Variants in CWC25 observed in about 807,000 individuals in gnomAD.
The protein encoded by CWC25 is CWC25 spliceosome associated protein, also known as pre-mRNA-splicing factor CWC25 homolog.
A neutral mutation model predicts 54.6 loss-of-function variants in CWC25; 31 were observed. The ratio of observed to expected loss-of-function variants is 0.57; its 90% CI spans 0.43 to 0.77. The LOEUF (loss-of-function observed/expected upper bound fraction) is 0.77. Among genes scored for constraint, CWC25 ranks in the 30% least tolerant of loss-of-function variants. The pLI is 0.00. For synonymous variants in CWC25, 151 were observed against 187.0 expected (o/e 0.81, Z 1.57); for missense variants, 453 against 529.3 (o/e 0.86, Z 1.41).
intron 4 of CWC25, among the ~76,000 whole-genome samples, chr17:38,812,272 C>T (rs1257118828): frequency 6.6e-6 from 1 of 152,106 alleles, no homozygotes; most frequent in Non-Finnish European, 1.5e-5. Context: ...GGGCATACTC[C>T]AACCTCCTGA....
intron 5 of CWC25, 63 bp from the exon 6 acceptor site, chr17:38,809,828 T>C: frequency 6.9e-7 from 1 of 1,456,560 alleles, no homozygotes. Flanking sequence ...AATTTAAATA[T>C]CTTATGCTGA....
At chr17:38,810,297 C>G in intron 5 of CWC25, 171 bp downstream of exon 5, 1 of 658,480 alleles carries the variant, frequency 1.5e-6, no homozygotes, top group South Asian at 2.1e-5. Context: ...CCAAGGAACT[C>G]TAGCATTAGA....
In CWC25 at chr17:38,821,038, C is replaced by T. The variant is rs1911902919; in HGVS notation, c.54G>A (p.Arg18=). 6.2e-7 allele frequency: 1 copy of T among 1,613,730 alleles called. No homozygotes were observed. Among genetic ancestry groups the T allele is most frequent in the Admixed American group, 1.7e-5 (1 of 59,930 alleles). Reference sequence around the variant, plus strand: ...CGGCCTTCCACACTTTCTCCACATTCCTGAGGGTCTGCGGGTGCCAGCTCT... The same window carrying T: ...CGGCCTTCCACACTTTCTCCACATTTCTGAGGGTCTGCGGGTGCCAGCTCT... ...LKKSWHPQTL[R]NVEKVWKAEQ... The change falls in exon 2 of 10, where the codon AGG becomes AGA. Residue 18 remains arginine, a synonymous_variant. Coordinates refer to ENST00000614790, the MANE Select transcript of CWC25 (RefSeq NM_017748.5).
chr17:38,824,085 G>A (rs894063145), intron 1 of CWC25, among the ~76,000 whole-genome samples: 2 of 152,316 alleles, frequency 1.3e-5, no homozygotes, highest in African/African-American at 2.4e-5. Flanking sequence ...CACTGTGATT[G>A]AGAACACATG....
At chr17:38,822,647 G>A (rs558833756) in intron 1 of CWC25, among the ~76,000 whole-genome samples, 1 of 152,196 alleles carries the variant, frequency 6.6e-6, no homozygotes, top group South Asian at 2.1e-4. Context: ...AGATGAGGGG[G>A]GTAGATTTCC....
At chr17:38,806,665 G>T in intron 7 of CWC25, 100 bp downstream of exon 7, 1 of 1,085,980 alleles carries the variant, frequency 9.2e-7, no homozygotes, top group Non-Finnish European at 1.3e-6. Context: ...AAGACATTTG[G>T]GAAAGTCAAT....
intron 5 of CWC25, 98 bp downstream of exon 5, chr17:38,810,370 G>A: frequency 2.3e-6 from 3 of 1,309,328 alleles, no homozygotes; most frequent in Non-Finnish European, 3.1e-6. Flanking sequence ...CCAGTACCTG[G>A]CAGCTTCCAG....
At chr17:38,809,572 C>T in intron 6 of CWC25, 130 bp downstream of exon 6, 1 of 719,216 alleles carries the variant, frequency 1.4e-6, no homozygotes, top group East Asian at 2.8e-5. Context: ...CAAGAAGGTG[C>T]TCAGCGATAA....
At chr17:38,814,186 A>T (rs1911604179) in intron 3 of CWC25, among the ~76,000 whole-genome samples, 1 of 152,100 alleles carries the variant, frequency 6.6e-6, no homozygotes, top group Admixed American at 6.6e-5. Context: ...ATGGTTATAG[A>T]GTTTCAATTC....
chr17:38,815,567 T>A, intron 2 of CWC25: 1 of 755,124 alleles, frequency 1.3e-6, no homozygotes, highest in South Asian at 1.4e-5. Flanking sequence ...AATAAATAAA[T>A]AAATGGTGCT....
At chr17:38,809,574 C>A in intron 6 of CWC25, 128 bp downstream of exon 6, 1 of 731,482 alleles carries the variant, frequency 1.4e-6, no homozygotes, top group Admixed American at 2.9e-5. Context: ...AGAAGGTGCT[C>A]AGCGATAAGA....
intron 2 of CWC25, chr17:38,815,652 GT>G: frequency 7.8e-7 from 1 of 1,287,250 alleles, no homozygotes; most frequent in Non-Finnish European, 1.0e-6. Flanking sequence ...GAAAACCAGT[GT>G]TCCTCAACAT....
chr17:38,820,930 C>A lies in CWC25; in HGVS notation c.162G>T (p.Gln54His), dbSNP rs1366946265. The A allele has an allele frequency of 9.3e-6, 15 of 1,613,834 alleles. No individual in the cohort carries two copies. The highest frequency in any genetic ancestry group is 1.2e-5 in the Non-Finnish European group (14 of 1,179,822). The change falls in exon 2 of 10, where the codon CAG becomes CAT. Residue 54 changes from glutamine (Q) to histidine (H), a missense_variant. Around this residue, in one of 2 missense-constraint regions of CWC25, gnomAD observed 444 missense variants for 499.2 expected, o/e 0.89. Coordinates refer to ENST00000614790, the MANE Select transcript of CWC25 (RefSeq NM_017748.5). ...LREERAREEMQRYAEDVGAVK... is the reference protein window; with the variant it reads ...LREERAREEMHRYAEDVGAVK... ...CGGCCCCAACATCCTCCGCATAGCG[C>A]TGCATCTCTTCCCGGGCTCTCTCTT... is the stretch of plus-strand genomic sequence containing the variant.
chr17:38,811,681 C>G (rs1911495182), intron 4 of CWC25, among the ~76,000 whole-genome samples: 1 of 152,062 alleles, frequency 6.6e-6, no homozygotes, highest in Non-Finnish European at 1.5e-5. Flanking sequence ...GTCAACACAC[C>G]AGGGGAAGGG....
In CWC25 at chr17:38,815,080, A is replaced by C. The variant is rs1265396579; in HGVS notation, c.209T>G (p.Leu70Trp). ...VGAVKKKEEKLDWMYQGPGGM... is the reference protein window; with the variant it reads ...VGAVKKKEEKWDWMYQGPGGM... ...ACCAGGACCCTGGTACATCCAGTCC[A>C]ACTTTTCTTCTTTTTTCCTGGTTCA... The change falls in exon 3 of 10, where the codon TTG (leucine) becomes TGG (tryptophan). Residue 70 changes from leucine (L) to tryptophan (W), a missense_variant. By Grantham distance (61) the Leu-to-Trp change is moderately conservative. Around this residue, in one of 2 missense-constraint regions of CWC25, gnomAD observed 444 missense variants for 499.2 expected, o/e 0.89. Transcript: ENST00000614790. 1.2e-6 allele frequency: 2 copies of C among 1,612,464 alleles called. No homozygotes were observed. Among genetic ancestry groups the C allele is most frequent in the Non-Finnish European group, 8.5e-7 (1 of 1,179,348 alleles).
At chr17:38,806,156 C>T (rs758711278) in intron 8 of CWC25, 141 bp downstream of exon 8, 21 of 727,796 alleles carry the variant, frequency 2.9e-5, no homozygotes, top group South Asian at 8.7e-5. Flanking sequence ...AGGCAGGGGA[C>T]GCAGACCCTT....
chr17:38,821,522 G>C (rs1168471131), intron 1 of CWC25, among the ~76,000 whole-genome samples: 4 of 152,200 alleles, frequency 2.6e-5, no homozygotes, highest in Non-Finnish European at 5.9e-5. Flanking sequence ...CTGCGCTGCT[G>C]CACTACAGCC....
chr17:38,804,706 G>A (rs1911158726), intron 8 of CWC25, among the ~76,000 whole-genome samples: 1 of 151,510 alleles, frequency 6.6e-6, no homozygotes, highest in East Asian at 1.9e-4. Flanking sequence ...TACTCGGGAG[G>A]CTGAGGCAGG....
intron 2 of CWC25, among the ~76,000 whole-genome samples, chr17:38,818,588 CAAAAAAAAAAAAAAAA>C (rs56382375): frequency 4.1e-5 from 2 of 48,482 alleles, no homozygotes; most frequent in Admixed American, 3.9e-4. Flanking sequence ...GACTCCATCT[CAAAAAAAAAAAAAAAA>C]AAAAAAAAAA....
Sources: gnomAD v4.1 joint callset for allele counts (sites outside exome capture counted in the v4.1 genomes callset) on GRCh38, gnomAD v4.1.1 for gene constraint, gnomAD v4.1.1 regional missense constraint, MANE v1.5 for transcripts, NCBI Gene and HGNC (gene_info 2026-07-23, HGNC 2026-07-21) for gene names.